Variants in EPRS1 observed in about 807,000 individuals in gnomAD.
The protein encoded by EPRS1 is bifunctional glutamate/proline--tRNA ligase.
EPRS1 carries 107 observed loss-of-function variants against 188.3 expected under a neutral mutation model. The ratio of observed to expected loss-of-function variants is 0.57; its 90% CI spans 0.49 to 0.67. EPRS1 has a LOEUF of 0.67. EPRS1 is among the 30% of genes least tolerant of loss of function. EPRS1 has a pLI of 0.00. For synonymous variants in EPRS1, 596 were observed against 593.1 expected, an observed-to-expected ratio of 1.00 and a Z score of -0.07; for missense variants, 1,577 against 1,802.2, an observed-to-expected ratio of 0.88 and a Z score of 2.26.
chr1:219,990,730 A>C (rs976400136), intron 18 of EPRS1, among the ~76,000 whole-genome samples: 2 of 152,212 alleles, frequency 1.3e-5, no homozygotes, highest in Non-Finnish European at 2.9e-5. Flanking sequence ...CTTTGAATTT[A>C]TCTCTTAGAA....
intron 18 of EPRS1, among the ~76,000 whole-genome samples, chr1:219,995,153 T>A (rs1393700249): frequency 6.6e-6 from 1 of 152,196 alleles, no homozygotes; most frequent in African/African-American, 2.4e-5. Flanking sequence ...AGTATTAAAA[T>A]ACCTAATAAA....
chr1:219,982,815 G>A lies in EPRS1; in HGVS notation c.3330C>T (p.Thr1110=), dbSNP rs777738722. 7 of 1,613,820 alleles carry A rather than the reference G, an allele frequency of 4.3e-6. No homozygotes were observed. The highest frequency in any genetic ancestry group is 1.3e-5 in the African/African-American group (1 of 74,886). The change falls in exon 23 of 32, where the codon ACC becomes ACT. Residue 1110 remains threonine (T), a synonymous_variant. Coordinates refer to ENST00000366923, the MANE Select transcript of EPRS1 (RefSeq NM_004446.3). ...GAATGGCAATTGGTTCTGCCAGCTC[G>A]GTTTTGCCAGATCTTGTAACCCAAG... ...EVAWVTRSGK[T]ELAEPIAIRP...
rs1661891439 is a variant in EPRS1, at chr1:220,022,248, G to C, written c.1115+99C>G. 1.5e-5 allele frequency: 16 copies of C among 1,065,942 alleles called. No homozygotes were observed. In the South Asian group the frequency reaches 2.6e-4, roughly 17 times the overall value. 66.0% of individuals were successfully genotyped at this position (1,065,942 alleles called of 1,614,324 possible). ...CCAGTGAACCCATGGATGAACAAAA[G>C]GCCAGGTTTCTTGACTATTTTGCTT... On this transcript the variant is annotated intron_variant, in intron 9 of 31. Transcript: ENST00000366923.
chr1:219,976,401 TGAAAGCTGAA>T (rs1660781215), intron 28 of EPRS1, among the ~76,000 whole-genome samples: 5 of 152,210 alleles, frequency 3.3e-5, no homozygotes, highest in African/African-American at 9.6e-5. Context: ...AGACAGCTCC[TGAAAGCTGAA>T]TGGGGGTCTA....
chr1:219,977,491 G>A (rs146169687), intron 28 of EPRS1, among the ~76,000 whole-genome samples: 60 of 152,214 alleles, frequency 3.9e-4, no homozygotes, highest in Middle Eastern at 3.4e-3. Context: ...TTTTAATCCC[G>A]CTAGTAGCCA....
intron 9 of EPRS1, among the ~76,000 whole-genome samples, chr1:220,020,824 T>TTATATATATATATA (rs71169429): frequency 1.8e-4 from 20 of 109,268 alleles, no homozygotes; most frequent in Non-Finnish European, 2.6e-4. Flanking sequence ...CAATTTGAAT[T>TTATATATATATATA]TATATATATA....
Position 220,025,152 on chromosome 1 carries a change from C to CT in EPRS1, c.729dup (p.Glu244ArgfsTer6). The CT allele has an allele frequency of 6.2e-7, 1 of 1,613,434 alleles. No homozygotes were observed. On this transcript the variant is annotated frameshift_variant, in exon 7 of 32. Coordinates refer to ENST00000366923, the MANE Select transcript of EPRS1 (RefSeq NM_004446.3). LOFTEE classifies it high-confidence loss of function. ...ATTACCTTCTCAAAATCTTCCTTTT[C>CT]TTTTTCAGGATTTGTGTCATCAAAT...
intron 27 of EPRS1, 37 bp from the exon 28 acceptor site, chr1:219,978,756 A>C: frequency 6.5e-7 from 1 of 1,547,160 alleles, no homozygotes; most frequent in Non-Finnish European, 8.8e-7. Flanking sequence ...TATGCAAAGA[A>C]ACAGATATAG....
intron 16 of EPRS1, among the ~76,000 whole-genome samples, chr1:220,001,553 T>C (rs1299203845): frequency 6.6e-6 from 1 of 151,990 alleles, no homozygotes; most frequent in Non-Finnish European, 1.5e-5. Flanking sequence ...TAGAGCCTGG[T>C]CTTGAACTCC....
chr1:220,009,195 A>G (rs1201897792), intron 13 of EPRS1, among the ~76,000 whole-genome samples: 1 of 152,206 alleles, frequency 6.6e-6, no homozygotes, highest in Non-Finnish European at 1.5e-5. Context: ...CGCGCACCCC[A>G]AATCTTATTA....
chr1:220,040,109 G>A, intron 2 of EPRS1, 76 bp downstream of exon 2: 2 of 928,958 alleles, frequency 2.2e-6, no homozygotes, highest in African/African-American at 1.7e-5. Flanking sequence ...AAAAGAGGGA[G>A]ACTCTGTCTC....
At position 219,981,378 on chromosome 1, in the gene EPRS1, C is replaced by T. The variant is rs1447126316; in HGVS notation, c.3453G>A (p.Val1151=). The part of the protein sequence containing the change: ...PIKLNQWCNV[V]RWEFKHPQPF... ...AATACAAGAGGGGGTGAATACCTAC[C>T]ACCACATTGCACCACTGATTGAGCT... is the stretch of plus-strand genomic sequence containing the variant. Residue 1151 remains valine (V), a splice_region_variant and synonymous_variant, in exon 24 of 32, where the codon GTG becomes GTA. Transcript: ENST00000366923. The T allele has an allele frequency of 6.3e-7, 1 of 1,595,490 alleles. No individual in the cohort carries two copies. The highest frequency in any genetic ancestry group is 1.7e-5 in the Admixed American group (1 of 58,700).
chr1:219,996,806 C>G (rs1170160998), intron 18 of EPRS1, among the ~76,000 whole-genome samples, 177 bp downstream of exon 18: 2 of 152,156 alleles, frequency 1.3e-5, no homozygotes, highest in Non-Finnish European at 2.9e-5. Flanking sequence ...CACCCCTCCA[C>G]TAGATTATGA....
rs1234990557 is a variant in EPRS1 at position 220,011,038 on chromosome 1, G to T, written c.1513C>A (p.Pro505Thr). 6.2e-7 allele frequency: 1 copy of T among 1,609,636 alleles called. No homozygotes were observed. The highest frequency in any genetic ancestry group is 1.7e-5 in the Admixed American group (1 of 60,008). The change falls in exon 13 of 32, where the codon CCA becomes ACA. Residue 505 changes from proline (P) to threonine (T), a missense_variant. This residue lies in a region of EPRS1 where 1,278 missense variants were observed against 1,457.4 expected (regional missense o/e 0.88). Transcript: ENST00000366923. ...FNKKVIDPVA[P>T]RYVALLKKEV... ...TTCTTCAGTAATGCAACATATCGTG[G>T]AGCCACTGGGTCAATAACCTGCAAC...
In EPRS1 at chr1:220,020,238, T is replaced by G. The variant is rs781652183; in HGVS notation, c.1116-17A>C. 127 of 1,500,016 alleles carry G rather than the reference T, an allele frequency of 8.5e-5. 1 individual carries two copies. Among genetic ancestry groups the G allele is most frequent in the East Asian group, 1.4e-4 (6 of 44,216 alleles). The allele number at this position is 1,500,016 out of a possible 1,614,324, so 92.9% of individuals were successfully genotyped here. ...GGATAAACACTAGAAAAAAAGAAAA[T>G]AAAATAAACAAAACATTTTACCCTT... On this transcript the variant is annotated splice_polypyrimidine_tract_variant and intron_variant, in intron 9 of 31. Transcript: ENST00000366923.
intron 18 of EPRS1, among the ~76,000 whole-genome samples, chr1:219,993,523 T>G (rs1478670970): frequency 6.6e-6 from 1 of 152,140 alleles, no homozygotes; most frequent in Non-Finnish European, 1.5e-5. Context: ...AAGAGAAGAT[T>G]AAAAACAAAA....
At chr1:220,018,394 T>C (rs1571687434) in intron 12 of EPRS1, 55 bp downstream of exon 12, 1 of 1,324,360 alleles carries the variant, frequency 7.6e-7, no homozygotes, top group East Asian at 2.3e-5. Context: ...CTTCTACTTG[T>C]ACATTATTTG....
At chr1:219,983,542 A>C in intron 21 of EPRS1, 144 bp from the exon 22 acceptor site, 1 of 620,540 alleles carries the variant, frequency 1.6e-6, no homozygotes. Flanking sequence ...TAATGGAAGT[A>C]AAACAGACCT....
At chr1:220,002,175 A>T (rs536755941) in intron 16 of EPRS1, among the ~76,000 whole-genome samples, 1 of 152,010 alleles carries the variant, frequency 6.6e-6, no homozygotes, top group South Asian at 2.1e-4. Context: ...CTTAAAAAAT[A>T]CAAAAATTTA....
Sources: gnomAD v4.1 joint callset for allele counts (sites outside exome capture counted in the v4.1 genomes callset) on GRCh38, gnomAD v4.1.1 for gene constraint, gnomAD v4.1.1 regional missense constraint, MANE v1.5 for transcripts, NCBI Gene and HGNC (gene_info 2026-07-23, HGNC 2026-07-21) for gene names.